Variants in RGS6 observed in about 807,000 individuals in gnomAD.
RGS6 encodes the protein regulator of G protein signaling 6, also known as regulator of G-protein signaling 6.
RGS6 carries 30 observed loss-of-function variants against 78.5 expected under a neutral mutation model. The observed-to-expected ratio is 0.38, with a 90% confidence interval of 0.29 to 0.52. The LOEUF is 0.52. RGS6 is among the 20% of genes least tolerant of loss of function. The pLI is 0.85. For synonymous variants in RGS6, 206 were observed against 206.0 expected, an observed-to-expected ratio of 1.00 and a Z score of 0.00; for missense variants, 495 against 609.7, an observed-to-expected ratio of 0.81 and a Z score of 1.98.
the RGS6 span, among the ~76,000 whole-genome samples, chr14:71,886,329 A>G: frequency 6.6e-6 from 1 of 152,182 alleles, no homozygotes; most frequent in African/African-American, 2.4e-5. Flanking sequence ...CATTGAGAGT[A>G]GCATCTTTGT....
chr14:72,129,883 C>T (rs2096278483), intron 2 of RGS6, among the ~76,000 whole-genome samples: 1 of 152,136 alleles, frequency 6.6e-6, no homozygotes, highest in South Asian at 2.1e-4. Context: ...ACTGTTTTCC[C>T]ATCGATAACT....
chr14:72,537,657 G>A (rs1567079303), intron 16 of RGS6: 2 of 652,224 alleles, frequency 3.1e-6, no homozygotes, highest in Non-Finnish European at 5.5e-6. Context: ...AAGAACTAGA[G>A]GAAAGAAAAA....
chr14:72,190,863 C>T (rs1377202518), intron 2 of RGS6, among the ~76,000 whole-genome samples: 2 of 152,158 alleles, frequency 1.3e-5, no homozygotes, highest in East Asian at 1.9e-4. Context: ...TGAGGCCTTT[C>T]AAAACCCCTG....
chr14:72,511,024 G>T (rs548792572), intron 14 of RGS6, among the ~76,000 whole-genome samples: 1 of 152,154 alleles, frequency 6.6e-6, no homozygotes, highest in Non-Finnish European at 1.5e-5. Flanking sequence ...AAGTCTCCTT[G>T]GTTATGAAAA....
chr14:72,116,662 G>T (rs1465506797), intron 2 of RGS6, among the ~76,000 whole-genome samples: 1 of 152,010 alleles, frequency 6.6e-6, no homozygotes, highest in African/African-American at 2.4e-5. Flanking sequence ...GCTAATAGGT[G>T]CTCTTAAGAA....
At chr14:72,398,406 A>G (rs1046601836) in intron 3 of RGS6, among the ~76,000 whole-genome samples, 12 of 152,170 alleles carry the variant, frequency 7.9e-5, no homozygotes, top group East Asian at 1.9e-4. Context: ...TATCCCCTTT[A>G]TCATTTTTTA....
Position 72,228,667 on chromosome 14 carries a change from G to T in RGS6, c.85-123428G>T, listed in dbSNP as rs377397605. Among the ~76,000 whole-genome samples the T allele has an allele frequency of 3.3e-5, 5 of 152,214 alleles. No individual in the cohort carries two copies. The East Asian group carries it at 9.6e-4, about 29-fold the overall frequency. The stretch of plus-strand genomic sequence containing the variant: ...ATAGTAGTGTGGGACTAAGTTCAGA[G>T]ACATGCTGGAAGTGGAGCAGGCAGG... On this transcript the variant is annotated intron_variant, in intron 2 of 17. Transcript: ENST00000553525.
chr14:72,275,738 T>G (rs1307609618), intron 2 of RGS6, among the ~76,000 whole-genome samples: 1 of 152,224 alleles, frequency 6.6e-6, no homozygotes, highest in Non-Finnish European at 1.5e-5. Flanking sequence ...CTCCCAACTC[T>G]AATGTTCATA....
chr14:72,537,810 C>G (rs2097270473), intron 16 of RGS6: 2 of 455,860 alleles, frequency 4.4e-6, no homozygotes, highest in African/African-American at 2.0e-5. Flanking sequence ...CCAGTCTAGG[C>G]CTGTCTACAC....
At position 72,265,838 on chromosome 14, in the gene RGS6, T is replaced by C. The variant is rs187114880; in HGVS notation, c.85-86257T>C. On this transcript the variant is annotated intron_variant, in intron 2 of 17. Transcript: ENST00000553525. ...CCTGTGCAAAGCCTCCCTTTTCTGC[T>C]CCCTCAGCCTCCGGTTTCTTCCTTT... Among the ~76,000 whole-genome samples, 459 of 151,732 alleles carry C rather than the reference T, an allele frequency of 3.0e-3. 1 individual carries two copies. The highest frequency in any genetic ancestry group is 0.011 in the African/African-American group (443 of 41,322).
At chr14:72,371,629 C>T (rs1365898087) in intron 3 of RGS6, among the ~76,000 whole-genome samples, 1 of 152,070 alleles carries the variant, frequency 6.6e-6, no homozygotes, top group Non-Finnish European at 1.5e-5. Flanking sequence ...GTCATGGTGG[C>T]GCATGCCTGT....
At chr14:72,364,026 A>AAAAAAAAAAAC (rs869138887) in intron 3 of RGS6, among the ~76,000 whole-genome samples, 1 of 148,356 alleles carries the variant, frequency 6.7e-6, no homozygotes, top group African/African-American at 2.5e-5. Context: ...AAAAAAAAAA[A>AAAAAAAAAAAC]CTCTATATTT....
At chr14:72,556,604 G>GTT (rs1231837925) in intron 17 of RGS6, among the ~76,000 whole-genome samples, 2 of 131,474 alleles carry the variant, frequency 1.5e-5, no homozygotes, top group Non-Finnish European at 3.1e-5. Context: ...CATCCCCAGT[G>GTT]TTTACCAGGC....
At chr14:71,918,454 C>T in the RGS6 span, among the ~76,000 whole-genome samples, 1 of 152,140 alleles carries the variant, frequency 6.6e-6, no homozygotes, top group African/African-American at 2.4e-5. Flanking sequence ...TGGATTCCTT[C>T]TCTTAATTTT....
chr14:72,296,719 T>G (rs992611492), intron 2 of RGS6, among the ~76,000 whole-genome samples: 1 of 152,182 alleles, frequency 6.6e-6, no homozygotes, highest in East Asian at 1.9e-4. Flanking sequence ...CTGGGAAATA[T>G]TTTCTCCCAA....
At chr14:72,463,789 C>T (rs2095839693) in intron 6 of RGS6, among the ~76,000 whole-genome samples, 1 of 152,202 alleles carries the variant, frequency 6.6e-6, no homozygotes. Flanking sequence ...CTGAGGTTGT[C>T]CCTAATTCTG....
At chr14:72,073,694 C>T (rs768495413) in intron 2 of RGS6, among the ~76,000 whole-genome samples, 6 of 152,148 alleles carry the variant, frequency 3.9e-5, no homozygotes, top group Non-Finnish European at 8.8e-5. Context: ...CATGCAACCT[C>T]CACACAGACA....
chr14:72,052,973 CTTTCTTTCTT>C (rs1252859600), intron 2 of RGS6, among the ~76,000 whole-genome samples: 122 of 46,454 alleles, frequency 2.6e-3, no homozygotes, highest in Admixed American at 6.9e-3. Flanking sequence ...TTCTTTCTTT[CTTTCTTTCTT>C]TCTCTCTCTC....
intron 3 of RGS6, among the ~76,000 whole-genome samples, chr14:72,426,111 G>T (rs976704903): frequency 2.0e-5 from 3 of 151,986 alleles, no homozygotes; most frequent in Admixed American, 2.0e-4. Context: ...GTTAATTTTT[G>T]TTGCGAACGT....
Sources: allele counts gnomAD v4.1 joint callset (sites outside exome capture counted in the v4.1 genomes callset), GRCh38; gene constraint gnomAD v4.1.1; transcripts MANE v1.5; gene names NCBI Gene and HGNC (gene_info 2026-07-23, HGNC 2026-07-21).